The following RAD51AP1 variants were observed in gnomAD, a reference collection of about 807,000 sequenced individuals.
RAD51AP1 encodes RAD51-associated protein 1.
A neutral mutation model predicts 34.3 loss-of-function variants in RAD51AP1; 14 were observed. The observed-to-expected ratio is 0.41, with a 90% CI of 0.27 to 0.64. RAD51AP1 has a LOEUF of 0.64. Among genes scored for constraint, RAD51AP1 ranks in the 30% least tolerant of loss-of-function variants. The pLI is 0.33. For missense variants in RAD51AP1, 348 were observed against 386.9 expected (o/e 0.90, Z 0.84); for synonymous variants, 114 against 129.8 (o/e 0.88, Z 0.83).
intron 4 of RAD51AP1, among the ~76,000 whole-genome samples, chr12:4,547,627 C>G (rs1429351912): frequency 6.6e-6 from 1 of 152,062 alleles, no homozygotes; most frequent in Non-Finnish European, 1.5e-5. Flanking sequence ...TCTTAGAATG[C>G]TTTGGGTCAT....
At position 4,559,542 on chromosome 12, in the gene RAD51AP1, T is replaced by C. The variant is rs1944606868; in HGVS notation, c.*549T>C. ...TGGCATATGTCTCCGATTTAGATGGTTATTCTCTAGAAAATAGTATTTAAA... is the reference window on the plus strand; with the variant it reads ...TGGCATATGTCTCCGATTTAGATGGCTATTCTCTAGAAAATAGTATTTAAA... On this transcript the variant is annotated 3_prime_UTR_variant, in exon 9 of 9. Transcript: ENST00000352618. 6.6e-6 allele frequency: 1 copy of C among 152,226 alleles called. No individual in the cohort carries two copies. Among genetic ancestry groups the C allele is most frequent in the African/African-American group, 2.4e-5 (1 of 41,454 alleles). The allele number at this position is 152,226 out of a possible 1,614,324, so 9.4% of individuals were successfully genotyped here.
At chr12:4,540,486 C>T (rs1027232503) in intron 1 of RAD51AP1, among the ~76,000 whole-genome samples, 4 of 149,024 alleles carry the variant, frequency 2.7e-5, no homozygotes, top group Non-Finnish European at 4.4e-5. Context: ...CACCTCAGAA[C>T]AATTAAGGCA....
At chr12:4,554,253 A>G (rs1443232781) in intron 7 of RAD51AP1, among the ~76,000 whole-genome samples, 1 of 152,162 alleles carries the variant, frequency 6.6e-6, no homozygotes, top group Non-Finnish European at 1.5e-5. Flanking sequence ...TCAGAGAGCA[A>G]TGGCAGGGAC....
chr12:4,555,497 C>A (rs1235755968), intron 7 of RAD51AP1, among the ~76,000 whole-genome samples: 4 of 152,154 alleles, frequency 2.6e-5, no homozygotes, highest in Non-Finnish European at 5.9e-5. Flanking sequence ...AAAATATGTG[C>A]ATGACTGTGA....
chr12:4,544,174 A>G (rs1030418073), intron 3 of RAD51AP1, among the ~76,000 whole-genome samples: 2 of 152,242 alleles, frequency 1.3e-5, no homozygotes, highest in Non-Finnish European at 2.9e-5. Flanking sequence ...CCCAGCACTT[A>G]TCTCTGAATT....
intron 8 of RAD51AP1, 145 bp downstream of exon 8, chr12:4,556,647 CATTT>C: frequency 3.4e-6 from 3 of 869,586 alleles, no homozygotes; most frequent in Non-Finnish European, 5.1e-6. Flanking sequence ...TGCATATATT[CATTT>C]ATTTAACCAT....
intron 3 of RAD51AP1, chr12:4,545,242 TAACTG>T (rs1944497752): frequency 2.2e-6 from 1 of 454,216 alleles, no homozygotes; most frequent in Non-Finnish European, 4.4e-6. Context: ...TGACAACTGA[TAACTG>T]ATATATACTG....
chr12:4,541,897 G>A lies in RAD51AP1; in HGVS notation c.31G>A (p.Val11Ile), dbSNP rs755501300. 2.0e-6 allele frequency: 3 copies of A among 1,517,336 alleles called. No individual in the cohort carries two copies. Among genetic ancestry groups the A allele is most frequent in the Non-Finnish European group, 2.7e-6 (3 of 1,129,026 alleles). The allele number at this position is 1,517,336 out of a possible 1,614,324, so 94.0% of individuals were successfully genotyped here. A position where few individuals can be genotyped will look rare whatever the true frequency, so the allele number is the denominator to read the frequency against. Residue 11 changes from valine to isoleucine, a missense_variant, in exon 2 of 9, where the codon GTC becomes ATC. Physicochemically the swap from Val to Ile is conservative, Grantham distance 29. Coordinates refer to ENST00000352618, the MANE Select transcript of RAD51AP1 (RefSeq NM_006479.5). Reference sequence around the variant, plus strand: ...TTTTGGTCATAGACATAAGAAACCAGTCAATTACTCACAGTTTGACCACTC... The same window carrying A: ...TTTTGGTCATAGACATAAGAAACCAATCAATTACTCACAGTTTGACCACTC... MVRPVRHKKP[V>I]NYSQFDHSDS...
intron 1 of RAD51AP1, among the ~76,000 whole-genome samples, chr12:4,540,908 A>G (rs1210492491): frequency 6.6e-6 from 1 of 152,206 alleles, no homozygotes; most frequent in Admixed American, 6.5e-5. Flanking sequence ...TCTTTTTCAT[A>G]GAACATTCTT....
intron 3 of RAD51AP1, chr12:4,545,752 T>G (rs772705460): frequency 1.2e-6 from 2 of 1,607,880 alleles, no homozygotes; most frequent in East Asian, 4.5e-5. Flanking sequence ...TAGCATGTCT[T>G]GTTTCCCCAC....
At chr12:4,545,463 A>G (rs1348152144) in intron 3 of RAD51AP1, among the ~76,000 whole-genome samples, 1 of 152,168 alleles carries the variant, frequency 6.6e-6, no homozygotes, top group Non-Finnish European at 1.5e-5. Context: ...GGTAATAAAG[A>G]TGTTCTGAAA....
In RAD51AP1 at chr12:4,551,647, T is replaced by C. The variant is rs187019194; in HGVS notation, c.557-1336T>C. On this transcript the variant is annotated intron_variant, in intron 6 of 8. Coordinates refer to ENST00000352618, the MANE Select transcript of RAD51AP1 (RefSeq NM_006479.5). ...GACAGGGAGAAGATACTGCTCTATA[T>C]TAAAAGAGATTAATATAGACTGAAT... is the stretch of plus-strand genomic sequence containing the variant. Among the ~76,000 whole-genome samples, 69 of 152,270 alleles carry C rather than the reference T, an allele frequency of 4.5e-4. No individual in the cohort carries two copies. In the East Asian group the frequency reaches 5.6e-3, roughly 12 times the overall value.
At chr12:4,545,825 T>C (rs142666627) in intron 3 of RAD51AP1, 1 of 1,612,532 alleles carries the variant, frequency 6.2e-7, no homozygotes, top group African/African-American at 1.3e-5. Flanking sequence ...TGCAGTGCCT[T>C]GTACAAAGTA....
rs1944606779 is a variant in RAD51AP1, at chr12:4,559,533, T to A, written c.*540T>A. 1 of 152,226 alleles carries A rather than the reference T, an allele frequency of 6.6e-6. No individual in the cohort carries two copies. The highest frequency in any genetic ancestry group is 1.5e-5 in the Non-Finnish European group (1 of 68,040). 9.4% of individuals were successfully genotyped at this position (152,226 alleles called of 1,614,324 possible). A position where few individuals can be genotyped will look rare whatever the true frequency, so the allele number is the denominator to read the frequency against. On this transcript the variant is annotated 3_prime_UTR_variant, in exon 9 of 9. Transcript: ENST00000352618. ...GCAGTTTTATGGCATATGTCTCCGATTTAGATGGTTATTCTCTAGAAAATA... is the reference window on the plus strand; with the variant it reads ...GCAGTTTTATGGCATATGTCTCCGAATTAGATGGTTATTCTCTAGAAAATA...
At chr12:4,549,305 G>A (rs1026643493) in intron 6 of RAD51AP1, among the ~76,000 whole-genome samples, 3 of 152,118 alleles carry the variant, frequency 2.0e-5, no homozygotes, top group African/African-American at 7.2e-5. Flanking sequence ...TATTATGATG[G>A]TTTTTAGACT....
intron 3 of RAD51AP1, among the ~76,000 whole-genome samples, chr12:4,544,932 G>A (rs1944495384): frequency 6.6e-6 from 1 of 152,154 alleles, no homozygotes; most frequent in African/African-American, 2.4e-5. Context: ...CAAGGAATGT[G>A]GAGAAATTTG....
chr12:4,545,676 A>G (rs1474219644), intron 3 of RAD51AP1: 12 of 1,174,010 alleles, frequency 1.0e-5, no homozygotes, highest in Non-Finnish European at 1.3e-5. Context: ...TCTTCCTCTT[A>G]TACTCCATAG....
intron 4 of RAD51AP1, among the ~76,000 whole-genome samples, chr12:4,547,628 T>C (rs895251877): frequency 6.6e-6 from 1 of 152,210 alleles, no homozygotes; most frequent in African/African-American, 2.4e-5. Flanking sequence ...CTTAGAATGC[T>C]TTGGGTCATT....
At chr12:4,554,833 A>G (rs1297629777) in intron 7 of RAD51AP1, among the ~76,000 whole-genome samples, 1 of 152,224 alleles carries the variant, frequency 6.6e-6, no homozygotes, top group African/African-American at 2.4e-5. Flanking sequence ...GTTGAGAGCT[A>G]TGCTGTCCAA....
Sources: allele counts gnomAD v4.1 joint callset (sites outside exome capture counted in the v4.1 genomes callset), GRCh38; gene constraint gnomAD v4.1.1; transcripts MANE v1.5; gene names NCBI Gene and HGNC (gene_info 2026-07-23, HGNC 2026-07-21).